The following UBXN7 variants were observed in gnomAD, a reference collection of about 807,000 sequenced individuals.
UBXN7 encodes the protein UBX domain-containing protein 7.
UBXN7 carries 9 observed loss-of-function variants against 58.0 expected under a neutral mutation model. The ratio of observed to expected loss-of-function variants is 0.16; its 90% confidence interval spans 0.09 to 0.27. The LOEUF (loss-of-function observed/expected upper bound fraction) is 0.27, where lower values mean the gene tolerates loss of function less well. UBXN7 is among the 10% of genes least tolerant of loss of function. The pLI is 1.00. For missense variants in UBXN7, 328 were observed against 599.6 expected (o/e 0.55, Z 4.73); for synonymous variants, 208 against 205.0 (o/e 1.01, Z -0.12).
At chr3:196,389,108 C>T (rs1335258602) in intron 5 of UBXN7, among the ~76,000 whole-genome samples, 1 of 152,214 alleles carries the variant, frequency 6.6e-6, no homozygotes, top group African/African-American at 2.4e-5. Context: ...TACTGCATTA[C>T]GTCCTAGAGC....
intron 2 of UBXN7, among the ~76,000 whole-genome samples, chr3:196,406,058 C>T (rs1312951074): frequency 6.6e-6 from 1 of 151,016 alleles, no homozygotes; most frequent in Non-Finnish European, 1.5e-5. Flanking sequence ...AGACAGGAGG[C>T]CTCACTCTGT....
At chr3:196,365,492 A>G (rs1192027517) in intron 8 of UBXN7, among the ~76,000 whole-genome samples, 1 of 152,094 alleles carries the variant, frequency 6.6e-6, no homozygotes, top group Non-Finnish European at 1.5e-5. Flanking sequence ...AGCACACTAC[A>G]TTCCTGAACT....
rs1242958359 is a variant in UBXN7 at position 196,352,789 on chromosome 3, C to G, written c.*3896G>C. 6.6e-6 allele frequency: 1 copy of G among 151,810 alleles called. No homozygotes were observed. Among genetic ancestry groups the G allele is most frequent in the East Asian group, 1.9e-4 (1 of 5,134 alleles). 9.4% of individuals were successfully genotyped at this position (151,810 alleles called of 1,614,324 possible). On this transcript the variant is annotated 3_prime_UTR_variant, in exon 11 of 11. Coordinates refer to ENST00000296328, the MANE Select transcript of UBXN7 (RefSeq NM_015562.2). The surrounding 1 kb of genome is among the most constrained non-coding windows in gnomAD (Gnocchi z 4.1). ...TGGGCGGAACACGAGATCAAGAGATCGAGACCATCCTGGCCAACATGGTGA... is the reference window on the plus strand; with the variant it reads ...TGGGCGGAACACGAGATCAAGAGATGGAGACCATCCTGGCCAACATGGTGA...
intron 1 of UBXN7, among the ~76,000 whole-genome samples, chr3:196,409,356 G>C (rs573996620): frequency 6.6e-6 from 1 of 151,916 alleles, no homozygotes; most frequent in Non-Finnish European, 1.5e-5. Flanking sequence ...TAATCACTAA[G>C]GAAAAAAATA....
chr3:196,403,013 T>C lies in UBXN7; in HGVS notation c.228A>G (p.Glu76=). The change falls in exon 3 of 11, where the codon GAA becomes GAG. Residue 76 remains glutamate, a synonymous_variant. Transcript: ENST00000296328. ...VSTVRPHTEE[E]VRAPIPQKQE... ...GCTTTTGAGGAATTGGGGCACGAAC[T>C]TCTTCTCTATTAAAAAAAAATGGGA... 1.9e-6 allele frequency: 3 copies of C among 1,587,946 alleles called. No homozygotes were observed. The South Asian group carries it at 3.5e-5, about 19-fold the overall frequency.
intron 5 of UBXN7, among the ~76,000 whole-genome samples, chr3:196,380,137 C>A (rs1729155713): frequency 6.6e-6 from 1 of 151,928 alleles, no homozygotes; most frequent in Non-Finnish European, 1.5e-5. Flanking sequence ...GTGGTCCCAG[C>A]TACTCAGGAG....
intron 8 of UBXN7, among the ~76,000 whole-genome samples, chr3:196,363,403 T>C (rs1358620236): frequency 1.3e-5 from 2 of 148,464 alleles, no homozygotes; most frequent in Non-Finnish European, 3.0e-5. Flanking sequence ...ATGCCTGTAA[T>C]CCCAGCACTT....
chr3:196,405,861 T>C (rs1232775223), intron 2 of UBXN7, among the ~76,000 whole-genome samples: 1 of 152,144 alleles, frequency 6.6e-6, no homozygotes, highest in Non-Finnish European at 1.5e-5. Flanking sequence ...CTAAGCCAAG[T>C]TATATATAGG....
intron 5 of UBXN7, among the ~76,000 whole-genome samples, chr3:196,373,676 C>CT (rs574374223): frequency 4.7e-5 from 7 of 148,300 alleles, no homozygotes; most frequent in South Asian, 2.1e-4. Context: ...TCACAAATAG[C>CT]TTTTTTTTTG....
chr3:196,375,963 A>T (rs150336591), intron 5 of UBXN7, among the ~76,000 whole-genome samples: 1 of 152,240 alleles, frequency 6.6e-6, no homozygotes, highest in African/African-American at 2.4e-5. Flanking sequence ...TGGGAGGCAG[A>T]GGTTGCAGTG....
At chr3:196,405,826 T>C (rs1470393246) in intron 2 of UBXN7, among the ~76,000 whole-genome samples, 1 of 152,212 alleles carries the variant, frequency 6.6e-6, no homozygotes, top group East Asian at 1.9e-4. Flanking sequence ...TTATCAAATG[T>C]TAATCAATTA....
intron 3 of UBXN7, 130 bp from the exon 4 acceptor site, chr3:196,393,749 C>A: frequency 1.3e-6 from 1 of 793,754 alleles, no homozygotes; most frequent in Admixed American, 2.7e-5. Context: ...GTCACCCTTG[C>A]ACAGGGGCCG....
At chr3:196,365,325 A>C (rs1728634671) in intron 8 of UBXN7, among the ~76,000 whole-genome samples, 1 of 151,858 alleles carries the variant, frequency 6.6e-6, no homozygotes, top group African/African-American at 2.4e-5. Flanking sequence ...AAATTAATAA[A>C]TGACCTAGAA....
intron 5 of UBXN7, 45 bp from the exon 6 acceptor site, chr3:196,372,087 A>G (rs1359571354): frequency 6.5e-7 from 1 of 1,548,350 alleles, no homozygotes; most frequent in East Asian, 2.3e-5. Flanking sequence ...ATTTCTACTT[A>G]GTGACAGATG....
At chr3:196,358,822 CTTT>C (rs76477098) in intron 10 of UBXN7, among the ~76,000 whole-genome samples, 5 of 139,074 alleles carry the variant, frequency 3.6e-5, no homozygotes, top group African/African-American at 5.2e-5. Context: ...ACACCTCTTT[CTTT>C]TTTTTTTTTT....
intron 1 of UBXN7, among the ~76,000 whole-genome samples, chr3:196,429,070 G>A (rs1306555876): frequency 1.3e-5 from 2 of 151,772 alleles, no homozygotes; most frequent in Non-Finnish European, 1.5e-5. Context: ...GCTCACACGT[G>A]TAATCCCAGC....
At chr3:196,372,941 G>T (rs1490439119) in intron 5 of UBXN7, among the ~76,000 whole-genome samples, 1 of 151,800 alleles carries the variant, frequency 6.6e-6, no homozygotes, top group Admixed American at 6.6e-5. Context: ...TAAAGAGACG[G>T]GGTTTCACCA....
rs569644252 is a variant in UBXN7, at chr3:196,415,096, T to C, written c.74-7703A>G. On this transcript the variant is annotated intron_variant, in intron 1 of 10. Transcript: ENST00000296328. ...CATAAAACCTGAGGCTTTGTTTCAG[T>C]GTTTCCCTAATATTTGTACATTGCC... Among the ~76,000 whole-genome samples the C allele has an allele frequency of 3.3e-5, 5 of 152,156 alleles. No individual in the cohort carries two copies. In the South Asian group the frequency reaches 8.3e-4, roughly 25 times the overall value.
intron 8 of UBXN7, among the ~76,000 whole-genome samples, 153 bp downstream of exon 8, chr3:196,367,875 A>G (rs1728713354): frequency 1.3e-5 from 2 of 152,224 alleles, no homozygotes; most frequent in African/African-American, 4.8e-5. Context: ...GGAAATTATC[A>G]AAATATAAGG....
Sources: gnomAD v4.1 joint callset for allele counts (sites outside exome capture counted in the v4.1 genomes callset) on GRCh38, gnomAD v4.1.1 for gene constraint, Gnocchi (gnomAD v3.1) non-coding constraint, MANE v1.5 for transcripts, NCBI Gene and HGNC (gene_info 2026-07-23, HGNC 2026-07-21) for gene names.